PCM1: variants seen among roughly 807,000 people sequenced by gnomAD.
PCM1 encodes pericentriolar material 1, also known as pericentriolar material 1 protein.
In PCM1, 157 loss-of-function variants were observed where a neutral mutation model predicts 241.9. The observed-to-expected ratio is 0.65, with a 90% CI of 0.57 to 0.74. The LOEUF (loss-of-function observed/expected upper bound fraction) is 0.74. Ranked by LOEUF, PCM1 falls within the 30% of genes least tolerant of loss-of-function variation. The pLI is 0.00. For missense variants in PCM1, 3,478 were observed against 2,360.1 expected (o/e 1.47, Z -9.81); for synonymous variants, 1,085 against 784.9 (o/e 1.38, Z -6.39).
At chr8:18,022,288 T>C (rs973745512) in intron 36 of PCM1, among the ~76,000 whole-genome samples, 3 of 152,210 alleles carry the variant, frequency 2.0e-5, no homozygotes, top group Admixed American at 6.5e-5. Context: ...TTTAAAACTT[T>C]TCTCATTAAG....
intron 23 of PCM1, among the ~76,000 whole-genome samples, chr8:17,979,849 A>G (rs2080091456): frequency 6.6e-6 from 1 of 152,200 alleles, no homozygotes; most frequent in Admixed American, 6.5e-5. Context: ...TCAAGAAAAA[A>G]GTGAAGCTAG....
At chr8:17,948,326 A>T (rs1367998803) in intron 7 of PCM1, among the ~76,000 whole-genome samples, 1 of 108,598 alleles carries the variant, frequency 9.2e-6, no homozygotes, top group Non-Finnish European at 1.7e-5. Flanking sequence ...TTTTTTGGAG[A>T]CAGAGTTTTG....
intron 22 of PCM1, among the ~76,000 whole-genome samples, chr8:17,971,810 C>T (rs1230666943): frequency 2.0e-5 from 3 of 152,200 alleles, no homozygotes; most frequent in Non-Finnish European, 4.4e-5. Flanking sequence ...TGATAACGAT[C>T]ATAGCTCACT....
rs373113716 is a variant in PCM1 at position 18,006,443 on chromosome 8, A to G, written c.4962+46A>G. The G allele has an allele frequency of 9.7e-5, 140 of 1,440,318 alleles. 1 individual carries two copies. The African/African-American group carries it at 1.7e-3, about 18-fold the overall frequency. 89.2% of individuals were successfully genotyped at this position (1,440,318 alleles called of 1,614,324 possible). ...GATTTACCAATATGTACTGTGTGGT[A>G]AGGTTTTTTTTCGGGGGGTGGGTGA... is the stretch of plus-strand genomic sequence containing the variant. On this transcript the variant is annotated intron_variant, in intron 30 of 38. Transcript: ENST00000325083.
chr8:18,010,740 T>C (rs2092370263), intron 32 of PCM1, 72 bp downstream of exon 32: 2 of 1,044,906 alleles, frequency 1.9e-6, no homozygotes, highest in Admixed American at 2.3e-5. Context: ...CGCAGCCCTT[T>C]GGGAGGCCAA....
intron 7 of PCM1, 108 bp from the exon 8 acceptor site, chr8:17,950,507 G>C: frequency 3.2e-6 from 2 of 631,554 alleles, no homozygotes; most frequent in Non-Finnish European, 5.5e-6. Flanking sequence ...TTCAAGTTAC[G>C]TATGTGAGCT....
chr8:17,934,504 G>A (rs1395797849), intron 2 of PCM1, among the ~76,000 whole-genome samples: 2 of 152,002 alleles, frequency 1.3e-5, no homozygotes, highest in African/African-American at 4.8e-5. Flanking sequence ...CAAGTGATCC[G>A]CTTACCTCAG....
intron 15 of PCM1, 91 bp downstream of exon 15, chr8:17,960,535 T>A: frequency 2.1e-6 from 2 of 943,650 alleles, no homozygotes; most frequent in Non-Finnish European, 3.1e-6. Flanking sequence ...TTGTTTTTCT[T>A]TTTTTTTGAG....
At chr8:17,930,840 A>C (rs13272057) in intron 2 of PCM1, among the ~76,000 whole-genome samples, 23 of 152,056 alleles carry the variant, frequency 1.5e-4, no homozygotes, top group Non-Finnish European at 1.5e-5. Context: ...AGATGGCGCC[A>C]CTGCACTCCA....
chr8:17,966,402 A>G lies in PCM1; in HGVS notation c.3150A>G (p.Gln1050=), dbSNP rs1277980424. 1.9e-6 allele frequency: 3 copies of G among 1,613,534 alleles called. No homozygotes were observed. Among genetic ancestry groups the G allele is most frequent in the East Asian group, 2.2e-5 (1 of 44,876 alleles). The part of the protein sequence containing the change: ...SVMPSNVASP[Q]VHFIMHQLNQ... ...TGCCCAGCAATGTTGCATCTCCTCA[A>G]GTACACTTCATAATGCACCAGTTGA... Residue 1050 remains glutamine (Q), a synonymous_variant, in exon 20 of 39, where the codon CAA becomes CAG. Coordinates refer to ENST00000325083, the MANE Select transcript of PCM1 (RefSeq NM_006197.4).
Position 17,957,576 on chromosome 8 carries a change from A to G in PCM1, c.1841A>G (p.His614Arg), listed in dbSNP as rs376509574. Residue 614 changes from histidine (H) to arginine (R), a missense_variant, in exon 13 of 39, where the codon CAT becomes CGT. Physicochemically the swap from His to Arg is conservative, Grantham distance 29. Coordinates refer to ENST00000325083, the MANE Select transcript of PCM1 (RefSeq NM_006197.4). Reference sequence around the variant, plus strand: ...AATAGAGAAGGGGAACAGGAGATTCATGTTGCACAAGGTGAAGATGATGAG... The same window carrying G: ...AATAGAGAAGGGGAACAGGAGATTCGTGTTGCACAAGGTGAAGATGATGAG... ...RYNREGEQEI[H>R]VAQGEDDEEE... 2 of 1,572,734 alleles carry G rather than the reference A, an allele frequency of 1.3e-6. No individual in the cohort carries two copies. Among genetic ancestry groups the G allele is most frequent in the East Asian group, 2.3e-5 (1 of 42,810 alleles).
intron 27 of PCM1, 122 bp downstream of exon 27, chr8:17,990,101 A>C (rs2084011840): frequency 1.5e-6 from 1 of 683,884 alleles, no homozygotes; most frequent in African/African-American, 1.8e-5. Context: ...AAGAATGTGG[A>C]CTTAATTATC....
At chr8:17,946,635 A>G (rs1586347974) in intron 6 of PCM1, among the ~76,000 whole-genome samples, 1 of 151,970 alleles carries the variant, frequency 6.6e-6, no homozygotes, top group Non-Finnish European at 1.5e-5. Context: ...TAGCTGGGAT[A>G]ACAGGCGCAC....
chr8:18,017,905 A>G (rs1054062838), intron 36 of PCM1, among the ~76,000 whole-genome samples: 4 of 152,198 alleles, frequency 2.6e-5, no homozygotes, highest in Admixed American at 1.3e-4. Context: ...ATCAACACCA[A>G]TGGGACATCA....
intron 22 of PCM1, 35 bp downstream of exon 22, chr8:17,969,783 A>T (rs759139696): frequency 6.8e-7 from 1 of 1,479,024 alleles, no homozygotes; most frequent in South Asian, 1.2e-5. Flanking sequence ...TTGCTTAAAC[A>T]TTCACTTTTG....
chr8:17,967,947 A>G (rs1245411050), intron 21 of PCM1, among the ~76,000 whole-genome samples: 1 of 152,018 alleles, frequency 6.6e-6, no homozygotes, highest in Non-Finnish European at 1.5e-5. Context: ...CCTTTAAGGA[A>G]TTCAGGGTCT....
chr8:17,963,089 T>A lies in PCM1; in HGVS notation c.2464-12T>A. 2 of 1,582,058 alleles carry A rather than the reference T, an allele frequency of 1.3e-6. No homozygotes were observed. The highest frequency in any genetic ancestry group is 1.7e-6 in the Non-Finnish European group (2 of 1,162,328). Reference sequence around the variant, plus strand: ...AAATATTTATTTAACTCTGGTTTCTTAAAAAAAATAGTTGTGGTCAGAAAT... The same window carrying A: ...AAATATTTATTTAACTCTGGTTTCTAAAAAAAAATAGTTGTGGTCAGAAAT... On this transcript the variant is annotated splice_polypyrimidine_tract_variant and intron_variant, in intron 16 of 38. Coordinates refer to ENST00000325083, the MANE Select transcript of PCM1 (RefSeq NM_006197.4).
chr8:17,969,172 T>C (rs1014403815), intron 21 of PCM1, among the ~76,000 whole-genome samples: 1 of 152,174 alleles, frequency 6.6e-6, no homozygotes, highest in Non-Finnish European at 1.5e-5. Flanking sequence ...TCTAATCATC[T>C]TTTTCATTTA....
chr8:17,950,542 T>C, intron 7 of PCM1, 73 bp from the exon 8 acceptor site: 1 of 769,968 alleles, frequency 1.3e-6, no homozygotes, highest in Middle Eastern at 2.5e-4. Context: ...TTTAAATTTA[T>C]TTTTAGCTTC....
Sources: gnomAD v4.1 joint callset for allele counts (sites outside exome capture counted in the v4.1 genomes callset) on GRCh38, gnomAD v4.1.1 for gene constraint, MANE v1.5 for transcripts, NCBI Gene and HGNC (gene_info 2026-07-23, HGNC 2026-07-21) for gene names.